Variants in TRAPPC8 observed in about 807,000 individuals in gnomAD.
The protein encoded by TRAPPC8 is general sporulation gene 1 homolog.
Under a neutral mutation model 174.3 loss-of-function variants are expected in TRAPPC8, and 54 were observed. The observed-to-expected ratio is 0.31, with a 90% CI of 0.25 to 0.39. The LOEUF (loss-of-function observed/expected upper bound fraction) is 0.39, where lower values mean the gene tolerates loss of function less well. TRAPPC8 is among the 10% of genes least tolerant of loss of function. The pLI is 1.00. For synonymous variants in TRAPPC8, 630 were observed against 579.9 expected (o/e 1.09, Z -1.24); for missense variants, 1,531 against 1,699.1 (o/e 0.90, Z 1.74).
chr18:31,935,548 T>TGAAAAAAAAAAAAAAAAAAAATAAAAAAA (rs745488703), intron 1 of TRAPPC8, among the ~76,000 whole-genome samples: 1 of 46,286 alleles, frequency 2.2e-5, no homozygotes. Flanking sequence ...AACTCCATCT[T>TGAAAAAAAAAAAAAAAAAAAATAAAAAAA]AAAAAAAAAA....
At chr18:31,940,496 ACTT>A (rs2038285632) in intron 1 of TRAPPC8, among the ~76,000 whole-genome samples, 1 of 151,808 alleles carries the variant, frequency 6.6e-6, no homozygotes, top group Non-Finnish European at 1.5e-5. Flanking sequence ...AACTAATTTC[ACTT>A]GTTTCTTTTT....
chr18:31,875,914 G>A (rs1338977379), intron 12 of TRAPPC8, among the ~76,000 whole-genome samples: 2 of 152,170 alleles, frequency 1.3e-5, no homozygotes, highest in Non-Finnish European at 2.9e-5. Context: ...AGGCCAGGGA[G>A]AGTGGGTGAT....
intron 2 of TRAPPC8, among the ~76,000 whole-genome samples, chr18:31,929,801 A>G (rs2037774236): frequency 6.6e-6 from 1 of 152,232 alleles, no homozygotes; most frequent in Non-Finnish European, 1.5e-5. Context: ...TACAACACTG[A>G]TGAGAGAAAA....
chr18:31,839,357 C>T lies in TRAPPC8; in HGVS notation c.3938G>A (p.Ser1313Asn). 1 of 1,610,670 alleles carries T rather than the reference C, an allele frequency of 6.2e-7. No homozygotes were observed. The highest frequency in any genetic ancestry group is 2.2e-5 in the East Asian group (1 of 44,726). Reference sequence around the variant, plus strand: ...ATTAAATGATTCTGGGTAGTGAAGACTCGTTTTAATGAGACTAGAAAGCTG... The same window carrying T: ...ATTAAATGATTCTGGGTAGTGAAGATTCGTTTTAATGAGACTAGAAAGCTG... Reference protein sequence around the residue: ...VEQLSSLIKTSLHYPESFNHP... With the variant: ...VEQLSSLIKTNLHYPESFNHP... The change falls in exon 27 of 29, where the codon AGT (serine) becomes AAT (asparagine). Residue 1313 changes from serine (S) to asparagine (N), a missense_variant. By Grantham distance (46) the Ser-to-Asn change is conservative. Coordinates refer to ENST00000283351, the MANE Select transcript of TRAPPC8 (RefSeq NM_014939.5).
At chr18:31,842,493 C>G in intron 26 of TRAPPC8, among the ~76,000 whole-genome samples, 1 of 152,178 alleles carries the variant, frequency 6.6e-6, no homozygotes, top group Non-Finnish European at 1.5e-5. Context: ...GAAGATGTAA[C>G]TACAGAGACA....
intron 2 of TRAPPC8, among the ~76,000 whole-genome samples, chr18:31,919,728 A>G (rs959061965): frequency 6.6e-6 from 1 of 151,408 alleles, no homozygotes; most frequent in Non-Finnish European, 1.5e-5. Context: ...AGGTATTGTG[A>G]TGCATGCCTG....
At chr18:31,868,153 T>C (rs183518700) in intron 16 of TRAPPC8, among the ~76,000 whole-genome samples, 3 of 152,258 alleles carry the variant, frequency 2.0e-5, no homozygotes, top group Admixed American at 1.3e-4. Context: ...AGCAATGACA[T>C]TTCTCTGGTC....
At chr18:31,939,242 T>C (rs2038229743) in intron 1 of TRAPPC8, 1 of 152,174 alleles carries the variant, frequency 6.6e-6, no homozygotes, top group Non-Finnish European at 1.5e-5. Flanking sequence ...CTAATGCTAC[T>C]ATCATAGTCC....
intron 9 of TRAPPC8, 99 bp downstream of exon 9, chr18:31,907,361 T>C (rs1176537865): frequency 8.2e-7 from 1 of 1,220,878 alleles, no homozygotes; most frequent in African/African-American, 1.5e-5. Flanking sequence ...GCTCTTTGAG[T>C]ACAACTTTAT....
At chr18:31,833,346 A>G (rs1328303178) in intron 27 of TRAPPC8, 1 of 152,204 alleles carries the variant, frequency 6.6e-6, no homozygotes, top group Non-Finnish European at 1.5e-5. Context: ...AGTGAAACTC[A>G]TCATCTTCAT....
chr18:31,933,612 T>C (rs1039795538), intron 1 of TRAPPC8, among the ~76,000 whole-genome samples: 1 of 152,116 alleles, frequency 6.6e-6, no homozygotes, highest in African/African-American at 2.4e-5. Context: ...GCACCATGGG[T>C]TATTATCACA....
chr18:31,899,531 T>C (rs2036323015), intron 10 of TRAPPC8, among the ~76,000 whole-genome samples: 1 of 152,234 alleles, frequency 6.6e-6, no homozygotes, highest in Admixed American at 6.5e-5. Context: ...GCATCTATTC[T>C]GAAACAACAG....
chr18:31,839,238 T>C (rs1196278766), intron 27 of TRAPPC8, 74 bp downstream of exon 27: 1 of 1,463,354 alleles, frequency 6.8e-7, no homozygotes, highest in Non-Finnish European at 9.2e-7. Flanking sequence ...TTAATGTCAC[T>C]GCCAAAATAA....
At chr18:31,887,878 G>C (rs868771468) in intron 12 of TRAPPC8, among the ~76,000 whole-genome samples, 1 of 151,986 alleles carries the variant, frequency 6.6e-6, no homozygotes, top group East Asian at 1.9e-4. Flanking sequence ...AGAAATAAAG[G>C]GTATTCAAAT....
In TRAPPC8 at chr18:31,846,729, T is replaced by C; in HGVS notation, c.3824A>G (p.Tyr1275Cys). ...CTATGTTATCACCTGTTTCTGAGGA[T>C]ATGAAAAGGCTTCTTTTCCTATAGT... ...LRTIGKEAFSYPQKQEPPEME... is the reference protein window; with the variant it reads ...LRTIGKEAFSCPQKQEPPEME... Residue 1275 changes from tyrosine to cysteine, a missense_variant, in exon 26 of 29, where the codon TAT becomes TGT. Coordinates refer to ENST00000283351, the MANE Select transcript of TRAPPC8 (RefSeq NM_014939.5). The C allele has an allele frequency of 6.2e-7, 1 of 1,610,354 alleles. No homozygotes were observed. The highest frequency in any genetic ancestry group is 1.1e-5 in the South Asian group (1 of 90,716).
At chr18:31,904,617 A>G (rs549087666) in intron 9 of TRAPPC8, among the ~76,000 whole-genome samples, 4 of 152,364 alleles carry the variant, frequency 2.6e-5, no homozygotes, top group South Asian at 2.1e-4. Flanking sequence ...AATATGAACG[A>G]TATCTATTTT....
chr18:31,874,921 G>A (rs981592709), intron 12 of TRAPPC8, among the ~76,000 whole-genome samples: 2 of 152,240 alleles, frequency 1.3e-5, no homozygotes, highest in Non-Finnish European at 2.9e-5. Flanking sequence ...GTGTGTGTGC[G>A]TTAGATAGGA....
intron 21 of TRAPPC8, among the ~76,000 whole-genome samples, chr18:31,854,159 C>A (rs2033868584): frequency 6.6e-6 from 1 of 152,158 alleles, no homozygotes; most frequent in Non-Finnish European, 1.5e-5. Flanking sequence ...GACTATAATG[C>A]ATACTCAATG....
At chr18:31,897,942 A>G (rs750838844) in intron 10 of TRAPPC8, 51 bp from the exon 11 acceptor site, 5 of 1,464,682 alleles carry the variant, frequency 3.4e-6, no homozygotes, top group Admixed American at 3.7e-5. Flanking sequence ...ACCTTAGCAC[A>G]TCAAAGTAAA....
Sources: allele counts gnomAD v4.1 joint callset (sites outside exome capture counted in the v4.1 genomes callset), GRCh38; gene constraint gnomAD v4.1.1; transcripts MANE v1.5; gene names NCBI Gene and HGNC (gene_info 2026-07-23, HGNC 2026-07-21).